Variants in SCN1B observed in about 807,000 individuals in gnomAD.
The protein encoded by SCN1B is sodium voltage-gated channel beta subunit 1, also known as sodium channel regulatory subunit beta-1.
SCN1B carries 11 observed loss-of-function variants against 25.7 expected under a neutral mutation model. The ratio of observed to expected loss-of-function variants is 0.43; its 90% CI spans 0.27 to 0.71. SCN1B has a LOEUF of 0.71. Among genes scored for constraint, SCN1B ranks in the 30% least tolerant of loss-of-function variants. SCN1B has a pLI of 0.21. For missense variants in SCN1B, 224 were observed against 291.5 expected (o/e 0.77, Z 1.69); for synonymous variants, 119 against 117.5 (o/e 1.01, Z -0.08).
At chr19:35,031,607 G>T in intron 1 of SCN1B, 1 of 152,456 alleles carries the variant, frequency 6.6e-6, no homozygotes. Context: ...ACCCCTGAGA[G>T]GGACAAAGAT....
At chr19:35,033,336 C>T (rs2064226243) in intron 2 of SCN1B, among the ~76,000 whole-genome samples, 163 bp from the exon 3 acceptor site, 1 of 151,998 alleles carries the variant, frequency 6.6e-6, no homozygotes, top group African/African-American at 2.4e-5. Flanking sequence ...CAGGCGTGAT[C>T]CTAGCCCCCC....
chr19:35,033,518 A>G lies in SCN1B; in HGVS notation c.227A>G (p.Glu76Gly). Residue 76 changes from glutamate (E) to glycine (G), a missense_variant, in exon 3 of 6, where the codon GAG becomes GGG. Physicochemically the swap from Glu to Gly is moderately conservative, Grantham distance 98 (BLOSUM62 -2). Transcript: ENST00000262631. ...CCCTAGATCCTGCGCTATGAGAATG[A>G]GGTGTTGCAGCTGGAGGAGGATGAG... ...EFVKILRYENEVLQLEEDERF... is the reference protein window; with the variant it reads ...EFVKILRYENGVLQLEEDERF... 1 of 1,613,798 alleles carries G rather than the reference A, an allele frequency of 6.2e-7. No individual in the cohort carries two copies. The highest frequency in any genetic ancestry group is 8.5e-7 in the Non-Finnish European group (1 of 1,179,922).
At position 35,040,349 on chromosome 19, in the gene SCN1B, T is replaced by C. The variant is rs1229902261; in HGVS notation, c.*558T>C. 6.3e-6 allele frequency: 1 copy of C among 159,430 alleles called. No individual in the cohort carries two copies. Among genetic ancestry groups the C allele is most frequent in the East Asian group, 1.9e-4 (1 of 5,380 alleles). The allele number at this position is 159,430 out of a possible 1,614,324, so 9.9% of individuals were successfully genotyped here. On this transcript the variant is annotated 3_prime_UTR_variant, in exon 6 of 6. Transcript: ENST00000262631. ...CCTGCCCCGGCCCAACCTCGCCCTC[T>C]CTCACCAGCCTTGAACTGTGGCCAC...
At chr19:35,037,944 G>GC (rs1237294317) in intron 3 of SCN1B, 1 of 152,060 alleles carries the variant, frequency 6.6e-6, no homozygotes, top group Admixed American at 6.6e-5. Context: ...GGGCAATAGA[G>GC]CAAGACCCTG....
intron 3 of SCN1B, chr19:35,034,292 C>A: frequency 1.0e-6 from 1 of 1,000,500 alleles, no homozygotes; most frequent in Non-Finnish European, 1.4e-6. Flanking sequence ...CTCTGCACTC[C>A]TGCCCCGGGG....
chr19:35,033,869 A>AG lies in SCN1B; in HGVS notation c.448+135dup, dbSNP rs761070541. ...GCCAACCGCCCACAGCAGCGGGCTG[A>AG]GGGGGAGGGGAGCAGCCCCTCCTGC... On this transcript the variant is annotated intron_variant, in intron 3 of 5. Transcript: ENST00000262631. 22 of 1,607,670 alleles carry AG rather than the reference A, an allele frequency of 1.4e-5. No homozygotes were observed. The highest frequency in any genetic ancestry group is 1.8e-5 in the Non-Finnish European group (21 of 1,176,516).
chr19:35,032,628 C>G lies in SCN1B; in HGVS notation c.141C>G (p.Ser47Arg). Residue 47 changes from serine to arginine, a missense_variant, in exon 2 of 6, where the codon AGC becomes AGG. Ser to Arg is a moderately radical substitution (Grantham distance 110). Transcript: ENST00000262631. The surrounding 1 kb of genome is among the most constrained non-coding windows in gnomAD (Gnocchi z 4.3). ...TTTGCATCTCCTGCAAGCGCCGCAG[C>G]GAGACCAACGCTGAGACCTTCACCG... ...KILCISCKRR[S>R]ETNAETFTEW... 1 of 1,614,118 alleles carries G rather than the reference C, an allele frequency of 6.2e-7. No homozygotes were observed. Among genetic ancestry groups the G allele is most frequent in the African/African-American group, 1.3e-5 (1 of 75,040 alleles).
chr19:35,039,225 C>T lies in SCN1B; in HGVS notation c.557C>T (p.Ala186Val), dbSNP rs764010636. Reference protein sequence around the residue: ...AEMIYCYKKIAAATETAAQEN... With the variant: ...AEMIYCYKKIVAATETAAQEN... ...ATGATTTACTGCTACAAGAAGATCGCTGCCGCCACGGAGACTGCTGCACAG... is the reference window on the plus strand; with the variant it reads ...ATGATTTACTGCTACAAGAAGATCGTTGCCGCCACGGAGACTGCTGCACAG... Residue 186 changes from alanine to valine, a missense_variant, in exon 4 of 6, where the codon GCT (alanine) becomes GTT (valine). Transcript: ENST00000262631. 1.2e-6 allele frequency: 2 copies of T among 1,613,904 alleles called. No individual in the cohort carries two copies. Among genetic ancestry groups the T allele is most frequent in the East Asian group, 2.2e-5 (1 of 44,900 alleles).
chr19:35,039,634 G>A lies in SCN1B; in HGVS notation c.591-1G>A. 1 of 1,614,206 alleles carries A rather than the reference G, an allele frequency of 6.2e-7. No individual in the cohort carries two copies. The highest frequency in any genetic ancestry group is 8.5e-7 in the Non-Finnish European group (1 of 1,180,022). Reference sequence around the variant, plus strand: ...CTGTATACCTGGCCTTTCCCCCACAGCTCGGAATACCTGGCCATCACCTCT... The same window carrying A: ...CTGTATACCTGGCCTTTCCCCCACAACTCGGAATACCTGGCCATCACCTCT... On this transcript the variant is annotated splice_acceptor_variant, in intron 4 of 5. Coordinates refer to ENST00000262631, the MANE Select transcript of SCN1B (RefSeq NM_001037.5). LOFTEE classifies it high-confidence loss of function.
chr19:35,030,733 A>T lies in SCN1B; in HGVS notation c.-88A>T. The T allele has an allele frequency of 2.6e-6, 1 of 386,682 alleles. No homozygotes were observed. Among genetic ancestry groups the T allele is most frequent in the Non-Finnish European group, 4.7e-6 (1 of 212,752 alleles). 24.0% of individuals were successfully genotyped at this position (386,682 alleles called of 1,614,324 possible). On this transcript the variant is annotated 5_prime_UTR_variant, in exon 1 of 6. Coordinates refer to ENST00000262631, the MANE Select transcript of SCN1B (RefSeq NM_001037.5). ...GCTGCGCCCGCGCGCTCCCGGGGACATTCTAACCGCCGCCAGGTCCCGCCG... is the reference window on the plus strand; with the variant it reads ...GCTGCGCCCGCGCGCTCCCGGGGACTTTCTAACCGCCGCCAGGTCCCGCCG...
chr19:35,034,113 A>G, intron 3 of SCN1B: 1 of 1,551,380 alleles, frequency 6.4e-7, no homozygotes, highest in Non-Finnish European at 8.7e-7. Context: ...TTCTTCCATC[A>G]TGGGGTTCAT....
rs995346461 is a variant in SCN1B at position 35,032,582 on chromosome 19, A to G, written c.95A>G (p.Tyr32Cys). ...VEVDSETEAV[Y>C]GMTFKILCIS... Reference sequence around the variant, plus strand: ...GTGGACTCGGAGACCGAGGCCGTGTATGGGATGACCTTCAAAATTCTTTGC... The same window carrying G: ...GTGGACTCGGAGACCGAGGCCGTGTGTGGGATGACCTTCAAAATTCTTTGC... Residue 32 changes from tyrosine (Y) to cysteine (C), a missense_variant, in exon 2 of 6, where the codon TAT becomes TGT. This residue lies in a region of SCN1B where 126 missense variants were observed against 204.9 expected (regional missense o/e 0.61). Coordinates refer to ENST00000262631, the MANE Select transcript of SCN1B (RefSeq NM_001037.5). This position sits in a 1 kb window ranked among gnomAD's most constrained non-coding sequence, Gnocchi z 4.3. The G allele has an allele frequency of 7.4e-6, 12 of 1,614,132 alleles. No homozygotes were observed. The highest frequency in any genetic ancestry group is 1.0e-5 in the Non-Finnish European group (12 of 1,180,032).
intron 4 of SCN1B, 178 bp downstream of exon 4, chr19:35,039,436 C>A: frequency 9.9e-7 from 1 of 1,007,848 alleles, no homozygotes; most frequent in Non-Finnish European, 1.5e-6. Flanking sequence ...CAGACCCAGC[C>A]CCTTCCTCCC....
Position 35,039,896 on chromosome 19 carries a change from C to A in SCN1B, c.*105C>A. The A allele has an allele frequency of 1.6e-6, 1 of 626,832 alleles. No homozygotes were observed. Among genetic ancestry groups the A allele is most frequent in the Non-Finnish European group, 2.8e-6 (1 of 358,604 alleles). 38.8% of individuals were successfully genotyped at this position (626,832 alleles called of 1,614,324 possible). A position where few individuals can be genotyped will look rare whatever the true frequency, so the allele number is the denominator to read the frequency against. ...GTGGCCACTCCTGGGCCCCAGAAAGCCTCAGAGTCCTGCCGACGGAGCCAC... is the reference window on the plus strand; with the variant it reads ...GTGGCCACTCCTGGGCCCCAGAAAGACTCAGAGTCCTGCCGACGGAGCCAC... On this transcript the variant is annotated 3_prime_UTR_variant, in exon 6 of 6. Transcript: ENST00000262631.
intron 3 of SCN1B, 78 bp from the exon 4 acceptor site, chr19:35,039,039 C>G (rs185970613): frequency 6.4e-7 from 1 of 1,555,516 alleles, no homozygotes; most frequent in South Asian, 1.1e-5. Flanking sequence ...CTCATCCAAG[C>G]TCACACAGCA....
intron 3 of SCN1B, chr19:35,035,654 A>C (rs1277572556): frequency 6.6e-6 from 1 of 151,946 alleles, no homozygotes; most frequent in Non-Finnish European, 1.5e-5. Flanking sequence ...CTGTGCTATT[A>C]CCAGCATTTA....
Position 35,039,855 on chromosome 19 carries a change from T to C in SCN1B, c.*64T>C, listed in dbSNP as rs1360812121. 1.3e-6 allele frequency: 1 copy of C among 795,244 alleles called. No homozygotes were observed. Among genetic ancestry groups the C allele is most frequent in the East Asian group, 2.7e-5 (1 of 37,070 alleles). 49.3% of individuals were successfully genotyped at this position (795,244 alleles called of 1,614,324 possible). On this transcript the variant is annotated 3_prime_UTR_variant, in exon 6 of 6. Coordinates refer to ENST00000262631, the MANE Select transcript of SCN1B (RefSeq NM_001037.5). ...TAATGGGGACTCTCCAGGCACCGCC[T>C]GCCCCCAGCGTGGGGGTGGCCACTC...
intron 4 of SCN1B, 188 bp downstream of exon 4, chr19:35,039,446 C>A: frequency 1.0e-6 from 1 of 997,654 alleles, no homozygotes; most frequent in Non-Finnish European, 1.5e-6. Flanking sequence ...CCCTTCCTCC[C>A]TCCAACTCAG....
chr19:35,037,108 C>T (rs2064252797), intron 3 of SCN1B: 2 of 152,120 alleles, frequency 1.3e-5, no homozygotes, highest in Non-Finnish European at 2.9e-5. Context: ...TGCCCATCGA[C>T]CTATATTGCC....
Sources: allele counts gnomAD v4.1 joint callset (sites outside exome capture counted in the v4.1 genomes callset), GRCh38; gene constraint gnomAD v4.1.1; regional missense constraint gnomAD v4.1.1; non-coding constraint Gnocchi (gnomAD v3.1); transcripts MANE v1.5; gene names NCBI Gene and HGNC (gene_info 2026-07-23, HGNC 2026-07-21).